RIMS1: variants seen among roughly 807,000 people sequenced by gnomAD.
The protein encoded by RIMS1 is regulating synaptic membrane exocytosis 1.
In RIMS1, 83 loss-of-function variants were observed where a neutral mutation model predicts 214.1. The ratio of observed to expected loss-of-function variants is 0.39; its 90% CI spans 0.32 to 0.47. RIMS1 has a LOEUF of 0.47. RIMS1 is among the 20% of genes least tolerant of loss of function. The probability of loss-of-function intolerance (pLI) is 0.99; values close to 1 mark genes in which losing one functional copy is unlikely to be tolerated. For missense variants in RIMS1, 2,050 were observed against 2,161.8 expected, an observed-to-expected ratio of 0.95 and a Z score of 1.03; for synonymous variants, 793 against 786.8, an observed-to-expected ratio of 1.01 and a Z score of -0.13.
At chr6:72,095,271 A>G (rs1027152548) in intron 2 of RIMS1, among the ~76,000 whole-genome samples, 26 of 151,804 alleles carry the variant, frequency 1.7e-4, no homozygotes, top group Non-Finnish European at 3.2e-4. Context: ...CCCTTCCTTA[A>G]AATAATTTTC....
In RIMS1 at chr6:72,251,355, CA is replaced by C; in HGVS notation, c.2690del (p.Lys897SerfsTer24). 3 of 1,589,986 alleles carry C rather than the reference CA, an allele frequency of 1.9e-6. No homozygotes were observed. Among genetic ancestry groups the C allele is most frequent in the Admixed American group, 1.8e-5 (1 of 56,532 alleles). On this transcript the variant is annotated frameshift_variant, in exon 15 of 34. Transcript: ENST00000521978. LOFTEE classifies it high-confidence loss of function. ...RRHIHGESSS[K>X]KLQRSQRISD... ...GACATATTCATGGAGAAAGCTCTAG[CA>C]AAAAGCTACAAAGTAGGTTAAGGTC...
In RIMS1 at chr6:72,040,204, T is replaced by C. The variant is rs572943179; in HGVS notation, c.246-56745T>C. Among the ~76,000 whole-genome samples, 9 of 152,242 alleles carry C rather than the reference T, an allele frequency of 5.9e-5. No individual in the cohort carries two copies. The East Asian group carries it at 1.3e-3, about 23-fold the overall frequency. Reference sequence around the variant, plus strand: ...TAGAACTACATTCTTTCTCCACTTCTATACTTTGTATTCTTATGTCCCATT... The same window carrying C: ...TAGAACTACATTCTTTCTCCACTTCCATACTTTGTATTCTTATGTCCCATT... On this transcript the variant is annotated intron_variant, in intron 2 of 33. Transcript: ENST00000521978.
chr6:72,215,645 G>C (rs1365060654), intron 6 of RIMS1, among the ~76,000 whole-genome samples: 1 of 152,112 alleles, frequency 6.6e-6, no homozygotes, highest in Non-Finnish European at 1.5e-5. Flanking sequence ...GCATTCAATT[G>C]ATGTTTATTT....
At chr6:72,175,985 G>T (rs1236236281) in intron 4 of RIMS1, among the ~76,000 whole-genome samples, 2 of 152,164 alleles carry the variant, frequency 1.3e-5, no homozygotes, top group African/African-American at 4.8e-5. Flanking sequence ...TAAAAATGCA[G>T]TTACAGCAAA....
intron 1 of RIMS1, among the ~76,000 whole-genome samples, chr6:71,913,809 C>T (rs1451975701): frequency 6.6e-6 from 1 of 152,080 alleles, no homozygotes; most frequent in Non-Finnish European, 1.5e-5. Flanking sequence ...CTCCTCAACT[C>T]CTGAGGACAC....
At chr6:71,968,575 A>AT (rs1795051058) in intron 1 of RIMS1, among the ~76,000 whole-genome samples, 1 of 152,178 alleles carries the variant, frequency 6.6e-6, no homozygotes, top group Non-Finnish European at 1.5e-5. Context: ...AAAAGTCTGT[A>AT]TTTTTTAGTA....
intron 3 of RIMS1, among the ~76,000 whole-genome samples, chr6:72,098,001 C>A (rs1010578657): frequency 4.6e-5 from 7 of 152,098 alleles, no homozygotes; most frequent in Non-Finnish European, 8.8e-5. Flanking sequence ...TAGAGATCTG[C>A]AGCTTAATGT....
intron 24 of RIMS1, among the ~76,000 whole-genome samples, chr6:72,290,211 T>C (rs2093139267): frequency 6.6e-6 from 1 of 152,216 alleles, no homozygotes. Context: ...AGTAAAATTA[T>C]GAACATTGTA....
At chr6:72,092,653 G>A (rs780014801) in intron 2 of RIMS1, among the ~76,000 whole-genome samples, 2 of 152,194 alleles carry the variant, frequency 1.3e-5, no homozygotes, top group Non-Finnish European at 2.9e-5. Context: ...TGAGAAGGAT[G>A]TGATTCCCTG....
At chr6:72,335,905 C>T (rs562536040) in intron 29 of RIMS1, among the ~76,000 whole-genome samples, 29 of 151,962 alleles carry the variant, frequency 1.9e-4, no homozygotes, top group African/African-American at 7.0e-4. Flanking sequence ...ATTCTTTGCC[C>T]ATTTTATGAT....
At chr6:72,342,263 C>G (rs892939908) in intron 29 of RIMS1, among the ~76,000 whole-genome samples, 13 of 151,916 alleles carry the variant, frequency 8.6e-5, no homozygotes, top group South Asian at 2.1e-4. Context: ...CTCTGACCAT[C>G]TCATTCATCT....
intron 29 of RIMS1, among the ~76,000 whole-genome samples, chr6:72,372,413 AT>A (rs2098247198): frequency 6.6e-6 from 1 of 152,122 alleles, no homozygotes; most frequent in Admixed American, 6.6e-5. Context: ...TGTTTTAAAG[AT>A]TTTTTTATGT....
At chr6:72,198,259 C>G (rs1475425713) in intron 6 of RIMS1, among the ~76,000 whole-genome samples, 1 of 152,034 alleles carries the variant, frequency 6.6e-6, no homozygotes, top group Non-Finnish European at 1.5e-5. Flanking sequence ...CAATTAAATA[C>G]GATTCGCCCA....
intron 26 of RIMS1, among the ~76,000 whole-genome samples, chr6:72,298,845 A>T: frequency 6.6e-6 from 1 of 152,006 alleles, no homozygotes; most frequent in East Asian, 1.9e-4. Flanking sequence ...TGCCATACAG[A>T]TAACAAATCC....
Position 72,400,766 on chromosome 6 carries a change from T to A in RIMS1, c.*52T>A, listed in dbSNP as rs532821380. 2 of 1,346,710 alleles carry A rather than the reference T, an allele frequency of 1.5e-6. No homozygotes were observed. The highest frequency in any genetic ancestry group is 2.6e-5 in the South Asian group (2 of 78,130). The allele number at this position is 1,346,710 out of a possible 1,614,324, so 83.4% of individuals were successfully genotyped here. A position where few individuals can be genotyped will look rare whatever the true frequency, so the allele number is the denominator to read the frequency against. On this transcript the variant is annotated 3_prime_UTR_variant, in exon 34 of 34. Transcript: ENST00000521978. ...AAAACTCTACTTTTCAGGATAATAA[T>A]CTGAACCAGATATTTCATGATCGAA...
chr6:72,161,482 G>T (rs1458801294), intron 4 of RIMS1, among the ~76,000 whole-genome samples: 2 of 138,936 alleles, frequency 1.4e-5, no homozygotes, highest in African/African-American at 5.0e-5. Flanking sequence ...GTGATGTTAG[G>T]GTGTCAATTT....
intron 24 of RIMS1, among the ~76,000 whole-genome samples, chr6:72,286,140 T>G (rs2092233945): frequency 6.6e-6 from 1 of 151,100 alleles, no homozygotes; most frequent in Non-Finnish European, 1.5e-5. Context: ...GAGGTTGCGG[T>G]GAGCCGAGAT....
intron 29 of RIMS1, among the ~76,000 whole-genome samples, chr6:72,336,327 G>T (rs1247463410): frequency 6.6e-6 from 1 of 151,734 alleles, no homozygotes; most frequent in Non-Finnish European, 1.5e-5. Context: ...GTATTAATAA[G>T]TAATGGGTTC....
intron 2 of RIMS1, among the ~76,000 whole-genome samples, chr6:72,007,046 C>A (rs1308807357): frequency 6.6e-6 from 1 of 152,166 alleles, no homozygotes; most frequent in East Asian, 1.9e-4. Context: ...TCCCTGACAC[C>A]CAAGTAGCCT....
Sources: allele counts gnomAD v4.1 joint callset (sites outside exome capture counted in the v4.1 genomes callset), GRCh38; gene constraint gnomAD v4.1.1; transcripts MANE v1.5; gene names NCBI Gene and HGNC (gene_info 2026-07-23, HGNC 2026-07-21).